The following ATP2B4 variants were observed in gnomAD, a reference collection of about 807,000 sequenced individuals.
ATP2B4 encodes ATPase plasma membrane Ca2+ transporting 4.
A neutral mutation model predicts 110.3 loss-of-function variants in ATP2B4; 39 were observed. The ratio of observed to expected loss-of-function variants is 0.35; its 90% confidence interval spans 0.27 to 0.46. The LOEUF is 0.46. ATP2B4 is among the 20% of genes least tolerant of loss of function. The pLI is 1.00. For missense variants in ATP2B4, 1,135 were observed against 1,530.9 expected, an observed-to-expected ratio of 0.74 and a Z score of 4.32; for synonymous variants, 538 against 571.7, an observed-to-expected ratio of 0.94 and a Z score of 0.84.
At chr1:203,733,320 G>A (rs748332561) in intron 20 of ATP2B4, 8 of 1,614,098 alleles carry the variant, frequency 5.0e-6, no homozygotes, top group Non-Finnish European at 6.8e-6. Context: ...CTTGTTCCTA[G>A]TTCATCCTAT....
intron 8 of ATP2B4, among the ~76,000 whole-genome samples, chr1:203,706,416 A>C (rs1376144795): frequency 6.6e-6 from 1 of 152,202 alleles, no homozygotes; most frequent in Non-Finnish European, 1.5e-5. Flanking sequence ...AGGTGCCCAC[A>C]TAAGTATTTA....
intron 8 of ATP2B4, among the ~76,000 whole-genome samples, chr1:203,705,033 C>T (rs1665811114): frequency 6.6e-6 from 1 of 152,180 alleles, no homozygotes; most frequent in Admixed American, 6.5e-5. Flanking sequence ...CCCACCATAG[C>T]AGCCACTCAC....
intron 17 of ATP2B4, 125 bp from the exon 18 acceptor site, chr1:203,722,353 G>T (rs1193890715): frequency 9.2e-6 from 7 of 760,798 alleles, no homozygotes; most frequent in Non-Finnish European, 1.5e-5. Flanking sequence ...AATAACTAGT[G>T]CAGCTCAGAT....
At position 203,740,082 on chromosome 1, in the gene ATP2B4, A is replaced by G; in HGVS notation, c.*228A>G. 1 of 538,778 alleles carries G rather than the reference A, an allele frequency of 1.9e-6. No homozygotes were observed. Among genetic ancestry groups the G allele is most frequent in the East Asian group, 3.1e-5 (1 of 32,608 alleles). The allele number at this position is 538,778 out of a possible 1,614,324, so 33.4% of individuals were successfully genotyped here. ...AGCGGGACCCAGTCAAACCCCATTC[A>G]GGTCATGGTAGAATCTACTCCTTGG... On this transcript the variant is annotated 3_prime_UTR_variant, in exon 21 of 21. Transcript: ENST00000357681.
intron 20 of ATP2B4, chr1:203,733,389 C>A: frequency 6.2e-7 from 1 of 1,613,484 alleles, no homozygotes; most frequent in Non-Finnish European, 8.5e-7. Flanking sequence ...GTTTCATCTC[C>A]TCCTATGGGC....
chr1:203,653,208 A>G (rs761886840), intron 1 of ATP2B4, among the ~76,000 whole-genome samples: 8 of 152,244 alleles, frequency 5.3e-5, no homozygotes, highest in Non-Finnish European at 1.2e-4. Context: ...CTTAAGTTGA[A>G]TCCTAATCCA....
intron 15 of ATP2B4, among the ~76,000 whole-genome samples, chr1:203,718,763 A>G (rs749038506): frequency 3.3e-5 from 5 of 152,226 alleles, no homozygotes; most frequent in Non-Finnish European, 7.3e-5. Flanking sequence ...GCCAAAAACA[A>G]TTAAATATTT....
chr1:203,718,264 AATTTTATTTT>A (rs140862881), intron 15 of ATP2B4, among the ~76,000 whole-genome samples: 96 of 149,758 alleles, frequency 6.4e-4, no homozygotes, highest in Admixed American at 1.1e-3. Flanking sequence ...ATAACTTTCT[AATTTTATTTT>A]ATTTTATTTT....
At chr1:203,652,693 T>C (rs970283370) in intron 1 of ATP2B4, among the ~76,000 whole-genome samples, 4 of 152,194 alleles carry the variant, frequency 2.6e-5, no homozygotes, top group African/African-American at 9.7e-5. Context: ...ATATGTGTTA[T>C]GATGATTTGT....
chr1:203,735,639 G>T (rs1666859954), intron 20 of ATP2B4, among the ~76,000 whole-genome samples: 1 of 152,116 alleles, frequency 6.6e-6, no homozygotes, highest in Non-Finnish European at 1.5e-5. Flanking sequence ...AATGGGGGTG[G>T]AACTTGATAG....
rs1571653409 is a variant in ATP2B4 at position 203,627,108 on chromosome 1, T to C, written c.-576T>C. 6.6e-6 allele frequency: 1 copy of C among 152,302 alleles called. No individual in the cohort carries two copies. Among genetic ancestry groups the C allele is most frequent in the African/African-American group, 2.4e-5 (1 of 41,476 alleles). The allele number at this position is 152,302 out of a possible 1,614,324, so 9.4% of individuals were successfully genotyped here. ...GAGAGCAAAGCCAGCGTCTCTAGCT[T>C]GGTTGCCACACTGGGGAGACTGGTG... On this transcript the variant is annotated 5_prime_UTR_variant, in exon 1 of 21. Coordinates refer to ENST00000357681, the MANE Select transcript of ATP2B4 (RefSeq NM_001684.5).
At chr1:203,696,241 A>G (rs560452605) in intron 2 of ATP2B4, among the ~76,000 whole-genome samples, 1 of 152,140 alleles carries the variant, frequency 6.6e-6, no homozygotes. Context: ...CTTGGGTTCT[A>G]TTCAGTGAAG....
At chr1:203,695,300 G>A (rs1665500597) in intron 2 of ATP2B4, among the ~76,000 whole-genome samples, 1 of 152,190 alleles carries the variant, frequency 6.6e-6, no homozygotes, top group African/African-American at 2.4e-5. Flanking sequence ...GGGGAGAAAG[G>A]ACCAGCAAGG....
intron 6 of ATP2B4, among the ~76,000 whole-genome samples, chr1:203,701,798 A>G (rs1025411802): frequency 6.6e-6 from 1 of 152,172 alleles, no homozygotes; most frequent in Non-Finnish European, 1.5e-5. Context: ...AGCAAGAGAA[A>G]GCACCTCAGG....
intron 1 of ATP2B4, among the ~76,000 whole-genome samples, chr1:203,628,160 G>A (rs1663145499): frequency 1.3e-5 from 2 of 152,214 alleles, no homozygotes; most frequent in African/African-American, 4.8e-5. Flanking sequence ...GCCTTGGCTT[G>A]CTGAAGAGCT....
At chr1:203,731,148 T>C (rs919318004) in intron 20 of ATP2B4, among the ~76,000 whole-genome samples, 4 of 152,142 alleles carry the variant, frequency 2.6e-5, no homozygotes, top group Non-Finnish European at 5.9e-5. Flanking sequence ...CCACCCCAAG[T>C]GTAAACCCTC....
chr1:203,697,263 C>G (rs1044538608), intron 2 of ATP2B4, among the ~76,000 whole-genome samples: 4 of 152,160 alleles, frequency 2.6e-5, no homozygotes, highest in Non-Finnish European at 4.4e-5. Context: ...CCCTAAAGCT[C>G]CTGGATCTTA....
intron 1 of ATP2B4, among the ~76,000 whole-genome samples, chr1:203,644,148 A>T (rs1048588108): frequency 6.6e-6 from 1 of 151,706 alleles, no homozygotes; most frequent in African/African-American, 2.4e-5. Flanking sequence ...TACTCAGGAG[A>T]CTGAGGCAGG....
At chr1:203,669,752 C>T (rs1664606259) in intron 1 of ATP2B4, among the ~76,000 whole-genome samples, 1 of 152,086 alleles carries the variant, frequency 6.6e-6, no homozygotes, top group African/African-American at 2.4e-5. Context: ...CTGGGACTTT[C>T]ATACTTTTCC....
Sources: allele counts gnomAD v4.1 joint callset (sites outside exome capture counted in the v4.1 genomes callset), GRCh38; gene constraint gnomAD v4.1.1; transcripts MANE v1.5; gene names NCBI Gene and HGNC (gene_info 2026-07-23, HGNC 2026-07-21).